The following KCNT2 variants were observed in gnomAD, a reference collection of about 807,000 sequenced individuals.
The protein encoded by KCNT2 is potassium sodium-activated channel subfamily T member 2.
A neutral mutation model predicts 153.8 loss-of-function variants in KCNT2; 67 were observed. The observed-to-expected ratio is 0.44, with a 90% CI of 0.36 to 0.53. The LOEUF is 0.53. Ranked by LOEUF, KCNT2 falls within the 20% of genes least tolerant of loss-of-function variation. The pLI is 0.00. For missense variants in KCNT2, 975 were observed against 1,354.8 expected (o/e 0.72, Z 4.40); for synonymous variants, 500 against 458.8 (o/e 1.09, Z -1.15).
intron 1 of KCNT2, among the ~76,000 whole-genome samples, chr1:196,554,974 C>T (rs1658452831): frequency 6.6e-6 from 1 of 150,892 alleles, no homozygotes; most frequent in South Asian, 2.1e-4. Flanking sequence ...ACTTGGGACA[C>T]AGGGAACAAA....
intron 12 of KCNT2, among the ~76,000 whole-genome samples, chr1:196,413,259 T>A (rs973862314): frequency 1.3e-5 from 2 of 151,612 alleles, no homozygotes; most frequent in African/African-American, 4.8e-5. Context: ...CTGGGTAAAA[T>A]TTAGACTCTG....
At chr1:196,301,160 C>T (rs766692877) in intron 22 of KCNT2, among the ~76,000 whole-genome samples, 1 of 152,260 alleles carries the variant, frequency 6.6e-6, no homozygotes, top group Middle Eastern at 3.4e-3. Context: ...GCTCTGTGGG[C>T]CCAACCGATT....
At chr1:196,546,903 G>T (rs886602130) in intron 1 of KCNT2, among the ~76,000 whole-genome samples, 4 of 151,932 alleles carry the variant, frequency 2.6e-5, no homozygotes, top group Non-Finnish European at 5.9e-5. Context: ...GTACTAAACT[G>T]CATAGAAAAA....
At chr1:196,536,734 C>T (rs932411076) in intron 1 of KCNT2, among the ~76,000 whole-genome samples, 2 of 152,172 alleles carry the variant, frequency 1.3e-5, no homozygotes, top group African/African-American at 4.8e-5. Context: ...GGTAAGTCAT[C>T]CATACGACAA....
rs566192042 is a variant in KCNT2 at position 196,340,706 on chromosome 1, A to G, written c.1554-136T>C. The stretch of plus-strand genomic sequence containing the variant: ...GTTCAAGATCCTCATTTTTACAGGA[A>G]AATAAACTATGTGCTTAGTGTGTTG... On this transcript the variant is annotated intron_variant, in intron 15 of 27. Coordinates refer to ENST00000294725, the MANE Select transcript of KCNT2 (RefSeq NM_198503.5). 8.6e-5 allele frequency: 52 copies of G among 602,860 alleles called. 1 individual carries two copies. In the East Asian group the frequency reaches 1.4e-3, roughly 16 times the overall value. The allele number at this position is 602,860 out of a possible 1,614,324, so 37.3% of individuals were successfully genotyped here. A position where few individuals can be genotyped will look rare whatever the true frequency, so the allele number is the denominator to read the frequency against.
intron 1 of KCNT2, among the ~76,000 whole-genome samples, chr1:196,508,703 A>G (rs924905317): frequency 2.0e-5 from 3 of 152,226 alleles, no homozygotes; most frequent in Non-Finnish European, 4.4e-5. Context: ...AAACCTCATT[A>G]GCACTCAGGA....
chr1:196,492,484 A>G, intron 1 of KCNT2, 143 bp from the exon 2 acceptor site: 2 of 685,166 alleles, frequency 2.9e-6, no homozygotes, highest in Non-Finnish European at 4.0e-6. Context: ...GATTTAATGC[A>G]TTATGTATTT....
At chr1:196,608,049 AGT>A (rs1665517241) in intron 1 of KCNT2, among the ~76,000 whole-genome samples, 164 bp downstream of exon 1, 1 of 152,174 alleles carries the variant, frequency 6.6e-6, no homozygotes. Flanking sequence ...AGTTATATAG[AGT>A]CAAAATGGAG....
intron 13 of KCNT2, among the ~76,000 whole-genome samples, chr1:196,387,804 G>A (rs1398172914): frequency 2.6e-5 from 4 of 151,594 alleles, no homozygotes; most frequent in East Asian, 1.9e-4. Flanking sequence ...CTTTATATAC[G>A]TTTGGATTCA....
chr1:196,240,508 T>C (rs540503480), intron 26 of KCNT2, among the ~76,000 whole-genome samples: 28 of 152,086 alleles, frequency 1.8e-4, no homozygotes, highest in African/African-American at 6.7e-4. Context: ...GCAGGCAAAA[T>C]CAAGCAGTAA....
intron 19 of KCNT2, among the ~76,000 whole-genome samples, chr1:196,325,886 T>C (rs1195149437): frequency 6.6e-6 from 1 of 152,150 alleles, no homozygotes; most frequent in Non-Finnish European, 1.5e-5. Context: ...ACTGGGCAGA[T>C]GTCTCTCTTA....
intron 1 of KCNT2, among the ~76,000 whole-genome samples, chr1:196,564,422 T>A (rs1659827048): frequency 6.6e-6 from 1 of 151,896 alleles, no homozygotes; most frequent in African/African-American, 2.4e-5. Context: ...ATGTCCACAC[T>A]ACCCAGTGAT....
intron 25 of KCNT2, among the ~76,000 whole-genome samples, chr1:196,265,115 T>G (rs1214981082): frequency 6.6e-6 from 1 of 152,190 alleles, no homozygotes; most frequent in African/African-American, 2.4e-5. Context: ...TCAACAGGAC[T>G]GGATTTGGGA....
chr1:196,242,118 A>C (rs2102261963), intron 26 of KCNT2, among the ~76,000 whole-genome samples: 1 of 152,268 alleles, frequency 6.6e-6, no homozygotes, highest in East Asian at 1.9e-4. Flanking sequence ...AGCTATCAAT[A>C]AATGCTAGTT....
intron 22 of KCNT2, among the ~76,000 whole-genome samples, chr1:196,289,592 G>A (rs1037955398): frequency 3.3e-5 from 5 of 152,040 alleles, no homozygotes; most frequent in African/African-American, 9.7e-5. Flanking sequence ...ACAAACGTTC[G>A]AGGTTCACTC....
chr1:196,429,390 C>G (rs530646579), intron 9 of KCNT2, among the ~76,000 whole-genome samples, 187 bp downstream of exon 9: 1 of 151,882 alleles, frequency 6.6e-6, no homozygotes, highest in Non-Finnish European at 1.5e-5. Context: ...AAAAGCAACT[C>G]GGTGTTTCTA....
At chr1:196,282,405 T>C in intron 23 of KCNT2, 49 bp from the exon 24 acceptor site, 2 of 906,756 alleles carry the variant, frequency 2.2e-6, no homozygotes, top group Non-Finnish European at 3.6e-6. Context: ...TTATATATAA[T>C]GTGTATGAGA....
intron 8 of KCNT2, among the ~76,000 whole-genome samples, chr1:196,434,417 G>A (rs558406010): frequency 1.3e-5 from 2 of 151,890 alleles, no homozygotes; most frequent in Admixed American, 6.6e-5. Flanking sequence ...ATATTTTCTA[G>A]ACCTAAACTA....
chr1:196,445,666 C>T (rs1039214379), intron 8 of KCNT2, among the ~76,000 whole-genome samples: 9 of 151,386 alleles, frequency 5.9e-5, no homozygotes, highest in Admixed American at 5.3e-4. Context: ...TGCTTAAAAT[C>T]AACTGAAAAA....
Sources: gnomAD v4.1 joint callset for allele counts (sites outside exome capture counted in the v4.1 genomes callset) on GRCh38, gnomAD v4.1.1 for gene constraint, MANE v1.5 for transcripts, NCBI Gene and HGNC (gene_info 2026-07-23, HGNC 2026-07-21) for gene names.